The following KCNQ5 variants were observed in gnomAD, a reference collection of about 807,000 sequenced individuals.
KCNQ5 encodes the protein potassium voltage-gated channel subfamily KQT member 5.
KCNQ5 carries 30 observed loss-of-function variants against 98.2 expected under a neutral mutation model. The observed-to-expected ratio is 0.31, with a 90% CI of 0.23 to 0.41. KCNQ5 has a LOEUF of 0.41. Among genes scored for constraint, KCNQ5 ranks in the 10% least tolerant of loss-of-function variants. The pLI is 1.00. For missense variants in KCNQ5, 835 were observed against 1,182.5 expected (o/e 0.71, Z 4.31); for synonymous variants, 458 against 449.4 (o/e 1.02, Z -0.24).
intron 1 of KCNQ5, among the ~76,000 whole-genome samples, chr6:72,817,350 T>C (rs1347307434): frequency 1.3e-5 from 2 of 152,224 alleles, no homozygotes; most frequent in Admixed American, 6.5e-5. Context: ...TTTGTTCGTT[T>C]TGAATGCCTT....
chr6:73,115,973 C>T (rs923559083), intron 7 of KCNQ5, among the ~76,000 whole-genome samples: 7 of 152,024 alleles, frequency 4.6e-5, no homozygotes, highest in Admixed American at 1.3e-4. Context: ...TTCAAGGAAG[C>T]GAAAGAATGG....
In KCNQ5 at chr6:73,198,045, GT is replaced by G. The variant is rs1765860765; in HGVS notation, c.*2633del. 1 of 152,116 alleles carries G rather than the reference GT, an allele frequency of 6.6e-6. No individual in the cohort carries two copies. Among genetic ancestry groups the G allele is most frequent in the African/African-American group, 2.4e-5 (1 of 41,430 alleles). The allele number at this position is 152,116 out of a possible 1,614,324, so 9.4% of individuals were successfully genotyped here. A position where few individuals can be genotyped will look rare whatever the true frequency, so the allele number is the denominator to read the frequency against. ...AAGATAGTTGTGTGGAAGCTATAAG[GT>G]TCTGTCTGTCGTGTTACTCTCTGTG... On this transcript the variant is annotated 3_prime_UTR_variant, in exon 14 of 14. Coordinates refer to ENST00000370398, the MANE Select transcript of KCNQ5 (RefSeq NM_019842.4).
At chr6:73,138,685 G>A (rs1212881825) in intron 10 of KCNQ5, among the ~76,000 whole-genome samples, 3 of 152,200 alleles carry the variant, frequency 2.0e-5, no homozygotes, top group Non-Finnish European at 4.4e-5. Context: ...AGCTGCCATG[G>A]AAGGTACATC....
chr6:72,936,708 A>T (rs1765935507), intron 1 of KCNQ5, among the ~76,000 whole-genome samples: 1 of 152,224 alleles, frequency 6.6e-6, no homozygotes. Flanking sequence ...TGATTTTTAA[A>T]ATTAATTAAT....
chr6:73,105,070 G>C (rs893381145), intron 5 of KCNQ5, among the ~76,000 whole-genome samples, 187 bp from the exon 6 acceptor site: 7 of 152,166 alleles, frequency 4.6e-5, no homozygotes, highest in Admixed American at 2.6e-4. Context: ...AAGTATGTAG[G>C]TTATTCCTTT....
At chr6:72,967,571 A>G (rs1408678699) in intron 1 of KCNQ5, 2 of 152,934 alleles carry the variant, frequency 1.3e-5, no homozygotes, top group East Asian at 3.8e-4. Context: ...GCTATGCACT[A>G]CAAGGGTCTC....
rs1456417678 is a variant in KCNQ5, at chr6:72,834,550, G to A, written c.399-169358G>A. 2.6e-5 allele frequency among the ~76,000 whole-genome samples: 4 copies of A among 152,076 alleles called. 1 individual carries two copies. The South Asian group carries it at 8.3e-4, about 31-fold the overall frequency. On this transcript the variant is annotated intron_variant, in intron 1 of 13. Transcript: ENST00000370398. Reference sequence around the variant, plus strand: ...TACAGGTAGTCTGACACTTGTCAGGGTTTACCCAAAATAGTTCTATTGAAC... The same window carrying A: ...TACAGGTAGTCTGACACTTGTCAGGATTTACCCAAAATAGTTCTATTGAAC...
intron 1 of KCNQ5, among the ~76,000 whole-genome samples, chr6:72,923,433 G>A (rs1343388593): frequency 6.6e-6 from 1 of 152,110 alleles, no homozygotes; most frequent in Non-Finnish European, 1.5e-5. Context: ...CATCTTAACA[G>A]GTGTGAGGTG....
chr6:72,666,552 T>C (rs1229425697), intron 1 of KCNQ5, among the ~76,000 whole-genome samples: 1 of 152,178 alleles, frequency 6.6e-6, no homozygotes, highest in Admixed American at 6.5e-5. Flanking sequence ...TAAAAAATTA[T>C]TTAATTTCTT....
intron 1 of KCNQ5, among the ~76,000 whole-genome samples, chr6:72,650,805 G>A (rs1023108671): frequency 2.2e-4 from 33 of 152,020 alleles, no homozygotes; most frequent in East Asian, 1.9e-4. Flanking sequence ...TAGCCTTCAC[G>A]TGGTTTTAGT....
At chr6:72,641,728 G>T (rs1053883511) in intron 1 of KCNQ5, among the ~76,000 whole-genome samples, 2 of 152,062 alleles carry the variant, frequency 1.3e-5, no homozygotes, top group African/African-American at 4.8e-5. Flanking sequence ...TTTCATGAAT[G>T]AATTATGAAG....
chr6:73,025,231 A>T (rs1001593473), intron 2 of KCNQ5, among the ~76,000 whole-genome samples: 1 of 152,242 alleles, frequency 6.6e-6, no homozygotes, highest in Non-Finnish European at 1.5e-5. Context: ...TGGCAATTTT[A>T]CCAAAACTGT....
intron 1 of KCNQ5, among the ~76,000 whole-genome samples, chr6:72,846,987 C>T (rs1221021273): frequency 6.6e-6 from 1 of 152,114 alleles, no homozygotes; most frequent in Admixed American, 6.5e-5. Flanking sequence ...ATATGTGAAA[C>T]TTCTGCCTTG....
chr6:73,104,699 C>T (rs770986019), intron 5 of KCNQ5, among the ~76,000 whole-genome samples: 14 of 152,166 alleles, frequency 9.2e-5, no homozygotes, highest in Non-Finnish European at 1.5e-4. Flanking sequence ...CTTGAATTCC[C>T]ATAGCAGGTT....
chr6:72,975,832 A>T (rs1768137651), intron 1 of KCNQ5, among the ~76,000 whole-genome samples: 1 of 152,168 alleles, frequency 6.6e-6, no homozygotes, highest in East Asian at 1.9e-4. Flanking sequence ...AGTTCTTATG[A>T]CTGCTTTAAA....
At chr6:72,630,097 T>C (rs2098919992) in intron 1 of KCNQ5, among the ~76,000 whole-genome samples, 1 of 152,356 alleles carries the variant, frequency 6.6e-6, no homozygotes, top group African/African-American at 2.4e-5. Context: ...CATACTGTTA[T>C]CTTTTAGCAG....
chr6:73,063,122 G>C (rs1008184352), intron 3 of KCNQ5, among the ~76,000 whole-genome samples: 1 of 152,148 alleles, frequency 6.6e-6, no homozygotes, highest in Admixed American at 6.5e-5. Context: ...AACTCGATTA[G>C]GCCATCTCCA....
At chr6:72,806,571 A>AC (rs1468019262) in intron 1 of KCNQ5, among the ~76,000 whole-genome samples, 1 of 152,218 alleles carries the variant, frequency 6.6e-6, no homozygotes, top group African/African-American at 2.4e-5. Context: ...CAATAAGCAG[A>AC]GAATCATAAT....
chr6:72,755,024 GTTGT>G (rs1582228344), intron 1 of KCNQ5, among the ~76,000 whole-genome samples: 2 of 151,570 alleles, frequency 1.3e-5, no homozygotes, highest in East Asian at 3.9e-4. Context: ...ATGAAGTTCT[GTTGT>G]TAAATATATT....
Sources: gnomAD v4.1 joint callset for allele counts (sites outside exome capture counted in the v4.1 genomes callset) on GRCh38, gnomAD v4.1.1 for gene constraint, MANE v1.5 for transcripts, NCBI Gene and HGNC (gene_info 2026-07-23, HGNC 2026-07-21) for gene names.